Variants in PPP2R2C observed in about 807,000 individuals in gnomAD.
PPP2R2C encodes the protein protein phosphatase 2, regulatory subunit B, gamma.
In PPP2R2C, 10 loss-of-function variants were observed where a neutral mutation model predicts 45.3. The ratio of observed to expected loss-of-function variants is 0.22; its 90% CI spans 0.14 to 0.37. PPP2R2C has a LOEUF of 0.37. PPP2R2C is among the 10% of genes least tolerant of loss of function. PPP2R2C has a pLI of 1.00. For synonymous variants in PPP2R2C, 257 were observed against 245.4 expected, an observed-to-expected ratio of 1.05 and a Z score of -0.44; for missense variants, 308 against 619.7, an observed-to-expected ratio of 0.50 and a Z score of 5.34.
chr4:6,327,957 T>C (rs1732093935), intron 8 of PPP2R2C, among the ~76,000 whole-genome samples: 1 of 150,926 alleles, frequency 6.6e-6, no homozygotes, highest in African/African-American at 2.5e-5. Context: ...CTCCTGGTCC[T>C]GTCTCTGCCA....
At position 6,322,187 on chromosome 4, in the gene PPP2R2C, C is replaced by T. The variant is rs757776014; in HGVS notation, c.*1115G>A. 4 of 152,112 alleles carry T rather than the reference C, an allele frequency of 2.6e-5. No homozygotes were observed. The highest frequency in any genetic ancestry group is 2.4e-5 in the African/African-American group (1 of 41,406). The allele number at this position is 152,112 out of a possible 1,614,324, so 9.4% of individuals were successfully genotyped here. ...ATTTGAATGTCGCTCTAACATGAGC[C>T]GCCCACGAGATGGACTGGAGAGAAC... On this transcript the variant is annotated 3_prime_UTR_variant, in exon 9 of 9. Coordinates refer to ENST00000382599, the MANE Select transcript of PPP2R2C (RefSeq NM_020416.4). This position sits in a 1 kb window ranked among gnomAD's most constrained non-coding sequence, Gnocchi z 7.8.
At chr4:6,453,687 G>A (rs1436784844) in intron 1 of PPP2R2C, among the ~76,000 whole-genome samples, 1 of 152,246 alleles carries the variant, frequency 6.6e-6, no homozygotes, top group African/African-American at 2.4e-5. Flanking sequence ...AGATGATGGG[G>A]AGGTCGGTGT....
chr4:6,406,247 A>G (rs147487905), intron 1 of PPP2R2C, among the ~76,000 whole-genome samples: 61 of 152,328 alleles, frequency 4.0e-4, no homozygotes, highest in African/African-American at 1.3e-3. Context: ...ACCTCAGCCA[A>G]AGGGATCTAA....
chr4:6,472,089 G>A (rs1197977967), intron 1 of PPP2R2C, 71 bp downstream of exon 1: 1 of 1,597,808 alleles, frequency 6.3e-7, no homozygotes, highest in Admixed American at 1.7e-5. Flanking sequence ...CAAACCTTCG[G>A]AGGGCATTCG....
chr4:6,540,418 AG>A (rs772370895), intron 1 of PPP2R2C, among the ~76,000 whole-genome samples: 1 of 152,190 alleles, frequency 6.6e-6, no homozygotes, highest in Non-Finnish European at 1.5e-5. Flanking sequence ...CTTCCTTTTT[AG>A]GGCTGTATAA....
At chr4:6,450,913 G>T (rs10937729) in intron 1 of PPP2R2C, among the ~76,000 whole-genome samples, 45,500 of 151,960 alleles carry the variant, frequency 0.3, 7,133 homozygotes, top group African/African-American at 0.38. Context: ...CTCCATCGGC[G>T]GACACTTCAG....
chr4:6,337,112 GTATATATA>G (rs61657951), intron 6 of PPP2R2C, among the ~76,000 whole-genome samples: 710 of 30,042 alleles, frequency 0.024, 27 homozygotes, highest in Middle Eastern at 0.12. Context: ...ATGTGTGTGT[GTATATATA>G]TATATATATA....
chr4:6,557,128 A>G (rs1725427750), intron 1 of PPP2R2C, among the ~76,000 whole-genome samples: 1 of 152,148 alleles, frequency 6.6e-6, no homozygotes, highest in South Asian at 2.1e-4. Flanking sequence ...TTTTAACTAC[A>G]CTGTACTTGC....
At chr4:6,342,571 C>G (rs1474786579) in intron 6 of PPP2R2C, among the ~76,000 whole-genome samples, 1 of 152,192 alleles carries the variant, frequency 6.6e-6, no homozygotes, top group Admixed American at 6.5e-5. Flanking sequence ...ATCATCGGCC[C>G]CGATTCTAAG....
intron 2 of PPP2R2C, among the ~76,000 whole-genome samples, chr4:6,499,205 A>G (rs189647345): frequency 3.3e-5 from 5 of 152,148 alleles, no homozygotes; most frequent in Non-Finnish European, 7.4e-5. Context: ...TTGAGTGACT[A>G]AACAAAAAAC....
chr4:6,424,417 G>T (rs919490442), intron 1 of PPP2R2C, among the ~76,000 whole-genome samples: 4 of 152,228 alleles, frequency 2.6e-5, no homozygotes, highest in Non-Finnish European at 5.9e-5. Context: ...TCTGCAGAGA[G>T]AGGACACTTT....
rs56002128 is a variant in PPP2R2C at position 6,518,922 on chromosome 4, TAAAAAAAAA to T, written c.49+16340_49+16348del. Among the ~76,000 whole-genome samples the T allele has an allele frequency of 2.1e-3, 198 of 92,922 alleles. 6 individuals are homozygous for T. The highest frequency in any genetic ancestry group is 4.2e-3 in the East Asian group (18 of 4,314). 61.0% of individuals were successfully genotyped at this position (92,922 alleles called of 152,430 possible). A position where few individuals can be genotyped will look rare whatever the true frequency, so the allele number is the denominator to read the frequency against. Reference sequence around the variant, plus strand: ...TGGGCAACAGAGCAAGACTCTGTCTTAAAAAAAAAAAAAAAAAAAAAAAAAAAAAAAGAA... The same window carrying T: ...TGGGCAACAGAGCAAGACTCTGTCTTAAAAAAAAAAAAAAAAAAAAAAGAA... On this transcript the variant is annotated intron_variant, in intron 2 of 9. Transcript: ENST00000506140.
At chr4:6,371,733 T>C (rs1714843102) in intron 5 of PPP2R2C, among the ~76,000 whole-genome samples, 1 of 152,206 alleles carries the variant, frequency 6.6e-6, no homozygotes, top group Non-Finnish European at 1.5e-5. Context: ...AGTACCTACC[T>C]CATAGGGTTG....
intron 4 of PPP2R2C, among the ~76,000 whole-genome samples, chr4:6,373,948 G>C (rs902485884): frequency 1.3e-5 from 2 of 151,916 alleles, no homozygotes; most frequent in Admixed American, 6.6e-5. Context: ...ACCGGTGTGA[G>C]TGACAGCCTG....
At chr4:6,342,655 G>A (rs551008610) in intron 6 of PPP2R2C, among the ~76,000 whole-genome samples, 5 of 152,168 alleles carry the variant, frequency 3.3e-5, no homozygotes, top group South Asian at 2.1e-4. Context: ...CTTTCTTTCC[G>A]CAGGCTCTGT....
At chr4:6,385,721 C>A (rs879348671) in intron 1 of PPP2R2C, among the ~76,000 whole-genome samples, 4 of 152,134 alleles carry the variant, frequency 2.6e-5, no homozygotes, top group Non-Finnish European at 5.9e-5. Context: ...AGGCACCTGC[C>A]ACCACACCCA....
rs114717661 is a variant in PPP2R2C, at chr4:6,325,012, G to T, written c.1053-1419C>A. 2.1e-3 allele frequency among the ~76,000 whole-genome samples: 320 copies of T among 152,300 alleles called. 4 individuals are homozygous for T. The highest frequency in any genetic ancestry group is 0.017 in the Middle Eastern group (5 of 294). ...AGCTGGGCTTCCTGAGGGTGACACT[G>T]CTCTGTGACAGAACCAGGTGGATCC... On this transcript the variant is annotated intron_variant, in intron 8 of 8. Transcript: ENST00000382599.
At chr4:6,327,700 C>T (rs1732066248) in intron 8 of PPP2R2C, among the ~76,000 whole-genome samples, 1 of 152,140 alleles carries the variant, frequency 6.6e-6, no homozygotes, top group African/African-American at 2.4e-5. Flanking sequence ...GAGAGAAGGT[C>T]CTGTGTCCTG....
At chr4:6,353,377 G>GCC (rs751178866) in intron 5 of PPP2R2C, among the ~76,000 whole-genome samples, 4 of 18,014 alleles carry the variant, frequency 2.2e-4, no homozygotes, top group East Asian at 1.9e-3. Flanking sequence ...CCAACCAACA[G>GCC]CCCCCACACT....
Sources: gnomAD v4.1 joint callset for allele counts (sites outside exome capture counted in the v4.1 genomes callset) on GRCh38, gnomAD v4.1.1 for gene constraint, Gnocchi (gnomAD v3.1) non-coding constraint, MANE v1.5 for transcripts, NCBI Gene and HGNC (gene_info 2026-07-23, HGNC 2026-07-21) for gene names.